Variants in TNS1 observed in about 807,000 individuals in gnomAD.
TNS1 encodes the protein tensin 1.
Under a neutral mutation model 168.6 loss-of-function variants are expected in TNS1, and 62 were observed. The observed-to-expected ratio is 0.37, with a 90% CI of 0.30 to 0.45. TNS1 has a LOEUF of 0.45. TNS1 is among the 20% of genes least tolerant of loss of function. The pLI is 1.00. For synonymous variants in TNS1, 934 were observed against 933.2 expected, an observed-to-expected ratio of 1.00 and a Z score of -0.02; for missense variants, 2,240 against 2,339.4, an observed-to-expected ratio of 0.96 and a Z score of 0.88.
chr2:217,923,163 G>A (rs1955823483), intron 3 of TNS1, among the ~76,000 whole-genome samples: 1 of 152,150 alleles, frequency 6.6e-6, no homozygotes, highest in Non-Finnish European at 1.5e-5. Flanking sequence ...GGCTATAGGG[G>A]GTCTTGGTGC....
chr2:217,930,800 G>A (rs991587684), intron 3 of TNS1, among the ~76,000 whole-genome samples: 1 of 152,202 alleles, frequency 6.6e-6, no homozygotes, highest in African/African-American at 2.4e-5. Flanking sequence ...TGGAATGCAG[G>A]CTTCAGAGTC....
At chr2:217,821,637 G>T (rs1429561397) in intron 23 of TNS1, 103 bp downstream of exon 23, 2 of 1,181,736 alleles carry the variant, frequency 1.7e-6, no homozygotes, top group Non-Finnish European at 2.3e-6. Flanking sequence ...TATGCTTTCT[G>T]CCTGTCCACG....
At chr2:217,942,129 T>C (rs1956943432) in intron 3 of TNS1, among the ~76,000 whole-genome samples, 1 of 152,006 alleles carries the variant, frequency 6.6e-6, no homozygotes, top group African/African-American at 2.4e-5. Context: ...GGAAGTGAAG[T>C]GTGAAGAAGC....
chr2:217,987,293 A>T (rs960393284), intron 2 of TNS1, among the ~76,000 whole-genome samples: 1 of 152,144 alleles, frequency 6.6e-6, no homozygotes, highest in Non-Finnish European at 1.5e-5. Context: ...GAGACCCAGG[A>T]CAGGGTTCAT....
intron 27 of TNS1, among the ~76,000 whole-genome samples, chr2:217,812,862 G>A (rs1941213717): frequency 6.6e-6 from 1 of 152,150 alleles, no homozygotes. Context: ...CTATTAGGGA[G>A]GATGACCCCT....
intron 18 of TNS1, chr2:217,879,629 C>T (rs1950510955): frequency 3.6e-6 from 1 of 280,580 alleles, no homozygotes; most frequent in African/African-American, 2.3e-5. Flanking sequence ...AGTCCAACCA[C>T]CCTCCCTCAT....
intron 18 of TNS1, chr2:217,849,902 G>C: frequency 1.0e-6 from 1 of 985,424 alleles, no homozygotes; most frequent in Non-Finnish European, 1.2e-6. Flanking sequence ...GCAGAGCTGG[G>C]ACTCTCTAAG....
chr2:217,817,869 G>C lies in TNS1; in HGVS notation c.4463C>G (p.Pro1488Arg). The C allele has an allele frequency of 6.2e-7, 1 of 1,614,194 alleles. No individual in the cohort carries two copies. The change falls in exon 24 of 33, where the codon CCA becomes CGA. Residue 1488 changes from proline (P) to arginine (R), a missense_variant. Pro to Arg is a moderately radical substitution (Grantham distance 103). This residue lies in a region of TNS1 where 2,131 missense variants were observed against 2,171.2 expected (regional missense o/e 0.98). Coordinates refer to ENST00000682258, the MANE Select transcript of TNS1 (RefSeq NM_001387777.1). ...CATCCTTCGCTTCTCTGGCAAGGCT[G>C]GTGTTGGGCTCCCTTGCCGGAAGGC... is the stretch of plus-strand genomic sequence containing the variant. ...SAAFRQGSPT[P>R]ALPEKRRMSV...
At chr2:217,829,918 G>C (rs1559185124) in intron 22 of TNS1, 4 of 1,612,150 alleles carry the variant, frequency 2.5e-6, no homozygotes, top group Non-Finnish European at 3.4e-6. Context: ...GGAGGAAGGA[G>C]AGGCAGGAAA....
intron 18 of TNS1, among the ~76,000 whole-genome samples, chr2:217,854,156 C>T (rs1429394760): frequency 6.6e-6 from 1 of 152,150 alleles, no homozygotes; most frequent in African/African-American, 2.4e-5. Context: ...GGCTGGAGGA[C>T]ATCTAGAGAA....
Position 217,975,415 on chromosome 2 carries a change from G to C in TNS1, c.186+3350C>G, listed in dbSNP as rs531074154. 3.9e-5 allele frequency among the ~76,000 whole-genome samples: 6 copies of C among 152,258 alleles called. No homozygotes were observed. In the South Asian group the frequency reaches 1.2e-3, roughly 32 times the overall value. The stretch of plus-strand genomic sequence containing the variant: ...GCCATTTATTACACCATATCACTCT[G>C]TATACATAACACAGCCCCTGTCAGA... On this transcript the variant is annotated intron_variant, in intron 3 of 32. Transcript: ENST00000682258.
chr2:218,009,782 G>T (rs1166745759), intron 1 of TNS1, among the ~76,000 whole-genome samples: 1 of 152,110 alleles, frequency 6.6e-6, no homozygotes, highest in African/African-American at 2.4e-5. Flanking sequence ...ACTTTACTCC[G>T]TATCCCCAAA....
chr2:217,923,819 C>T (rs1041513482), intron 3 of TNS1, among the ~76,000 whole-genome samples: 2 of 152,200 alleles, frequency 1.3e-5, no homozygotes, highest in East Asian at 1.9e-4. Context: ...CTGGAGGCTG[C>T]GAGGTGGAGC....
intron 3 of TNS1, among the ~76,000 whole-genome samples, chr2:217,950,635 T>C (rs1296199502): frequency 1.3e-5 from 2 of 149,368 alleles, no homozygotes; most frequent in Non-Finnish European, 3.0e-5. Context: ...CCTGCCACCA[T>C]CTAGTAGCCC....
At chr2:217,859,723 G>T (rs753204254) in intron 18 of TNS1, 2 of 1,522,822 alleles carry the variant, frequency 1.3e-6, no homozygotes, top group Non-Finnish European at 1.8e-6. Flanking sequence ...ATGAATAGCA[G>T]AGTATCACTT....
Position 217,949,043 on chromosome 2 carries a change from C to T in TNS1, c.187-28807G>A, listed in dbSNP as rs1957182310. On this transcript the variant is annotated intron_variant, in intron 3 of 32. Transcript: ENST00000682258. ...CCAAGGCACACACTGGCAGCCCCTC[C>T]CTCCTCTCACCCTGCCTGTTTCTAG... Among the ~76,000 whole-genome samples, 7 of 152,278 alleles carry T rather than the reference C, an allele frequency of 4.6e-5. No homozygotes were observed. The South Asian group carries it at 1.4e-3, about 32-fold the overall frequency.
chr2:217,858,496 T>C, intron 18 of TNS1: 1 of 982,908 alleles, frequency 1.0e-6, no homozygotes, highest in South Asian at 4.7e-5. Context: ...ACTTACCCTC[T>C]GGAGGGAGGG....
chr2:217,890,849 G>T (rs1315288472), intron 12 of TNS1, 113 bp downstream of exon 12: 3 of 1,188,358 alleles, frequency 2.5e-6, no homozygotes, highest in African/African-American at 3.0e-5. Flanking sequence ...ACTTGCGCCT[G>T]GTACACCCCC....
At chr2:217,946,661 G>C (rs11902027) in intron 3 of TNS1, among the ~76,000 whole-genome samples, 6,684 of 152,036 alleles carry the variant, frequency 0.044, 500 homozygotes, top group African/African-American at 0.15. Context: ...GCTGGGAGAC[G>C]GGGCGACCTG....
Sources: allele counts gnomAD v4.1 joint callset (sites outside exome capture counted in the v4.1 genomes callset), GRCh38; gene constraint gnomAD v4.1.1; regional missense constraint gnomAD v4.1.1; transcripts MANE v1.5; gene names NCBI Gene and HGNC (gene_info 2026-07-23, HGNC 2026-07-21).